SH3GL2: variants seen among roughly 807,000 people sequenced by gnomAD.
The protein encoded by SH3GL2 is SH3 domain containing GRB2 like 2, endophilin A1, also known as endophilin-A1.
In SH3GL2, 24 loss-of-function variants were observed where a neutral mutation model predicts 46.0. The ratio of observed to expected loss-of-function variants is 0.52; its 90% confidence interval spans 0.38 to 0.73. The LOEUF (loss-of-function observed/expected upper bound fraction) is 0.73. Among genes scored for constraint, SH3GL2 ranks in the 30% least tolerant of loss-of-function variants. The probability of loss-of-function intolerance (pLI) is 0.00; values close to 1 mark genes in which losing one functional copy is unlikely to be tolerated. For synonymous variants in SH3GL2, 196 were observed against 147.1 expected, an observed-to-expected ratio of 1.33 and a Z score of -2.40; for missense variants, 413 against 424.2, an observed-to-expected ratio of 0.97 and a Z score of 0.23.
chr9:17,589,349 T>A (rs1818438550), intron 1 of SH3GL2: 1 of 152,170 alleles, frequency 6.6e-6, no homozygotes, highest in Non-Finnish European at 1.5e-5. Context: ...TTTTAATATA[T>A]TTTTTATTTT....
intron 1 of SH3GL2, among the ~76,000 whole-genome samples, chr9:17,614,786 AGT>A: frequency 6.6e-6 from 1 of 152,156 alleles, no homozygotes; most frequent in African/African-American, 2.4e-5. Flanking sequence ...TACCAAGTGA[AGT>A]TTGTCTTTGC....
intron 1 of SH3GL2, among the ~76,000 whole-genome samples, chr9:17,710,948 A>G (rs928444269): frequency 2.6e-5 from 4 of 151,994 alleles, no homozygotes; most frequent in African/African-American, 4.8e-5. Flanking sequence ...TAGAACAATT[A>G]TAACAGTATA....
intron 3 of SH3GL2, among the ~76,000 whole-genome samples, chr9:17,762,486 T>G (rs1422710766): frequency 2.0e-5 from 3 of 152,030 alleles, no homozygotes; most frequent in Non-Finnish European, 2.9e-5. Flanking sequence ...CTATGCCCCC[T>G]GCTGCTGGCT....
At chr9:17,679,437 T>A (rs528525549) in intron 1 of SH3GL2, among the ~76,000 whole-genome samples, 3 of 152,084 alleles carry the variant, frequency 2.0e-5, no homozygotes, top group South Asian at 2.1e-4. Context: ...TTTGTCTGTT[T>A]TTGCTGTATA....
At chr9:17,795,505 CT>C in intron 8 of SH3GL2, 38 bp from the exon 9 acceptor site, 1 of 1,553,426 alleles carries the variant, frequency 6.4e-7, no homozygotes. Flanking sequence ...ACCCCTTATC[CT>C]TTTGTGTTCT....
At position 17,764,291 on chromosome 9, in the gene SH3GL2, C is replaced by T. The variant is rs1823258602; in HGVS notation, c.187+2782C>T. On this transcript the variant is annotated intron_variant, in intron 3 of 8. Coordinates refer to ENST00000380607, the MANE Select transcript of SH3GL2 (RefSeq NM_003026.5). ...TAAACAACCTGCATTTAATTGTTTA[C>T]AACAGGTACAATTTCATCCCTCCAC... is the stretch of plus-strand genomic sequence containing the variant. 2.6e-5 allele frequency among the ~76,000 whole-genome samples: 4 copies of T among 152,176 alleles called. No homozygotes were observed. The South Asian group carries it at 8.3e-4, about 31-fold the overall frequency.
intron 1 of SH3GL2, among the ~76,000 whole-genome samples, chr9:17,656,344 C>T (rs540500773): frequency 6.6e-5 from 10 of 151,768 alleles, no homozygotes; most frequent in Non-Finnish European, 8.8e-5. Flanking sequence ...ATCATAAAAT[C>T]GGTAGAGTAA....
At chr9:17,770,491 A>G (rs564913426) in intron 3 of SH3GL2, among the ~76,000 whole-genome samples, 3 of 152,322 alleles carry the variant, frequency 2.0e-5, no homozygotes, top group African/African-American at 7.2e-5. Context: ...TCACACCCTT[A>G]TATAATCCCT....
intron 1 of SH3GL2, among the ~76,000 whole-genome samples, chr9:17,718,255 C>T (rs1821808951): frequency 6.6e-6 from 1 of 152,124 alleles, no homozygotes; most frequent in Non-Finnish European, 1.5e-5. Context: ...CATCCTCCCT[C>T]ACACAGTGTT....
chr9:17,705,661 A>C (rs921555203), intron 1 of SH3GL2, among the ~76,000 whole-genome samples: 11 of 152,074 alleles, frequency 7.2e-5, no homozygotes, highest in Non-Finnish European at 1.5e-4. Context: ...AGCAACATGC[A>C]TGGAGCTGGA....
intron 1 of SH3GL2, among the ~76,000 whole-genome samples, chr9:17,697,347 C>T (rs1821229405): frequency 6.6e-6 from 1 of 151,974 alleles, no homozygotes; most frequent in South Asian, 2.1e-4. Flanking sequence ...CCTCAGCCAC[C>T]TGAGTAGTTG....
At chr9:17,586,245 G>A (rs1304593258) in intron 1 of SH3GL2, among the ~76,000 whole-genome samples, 2 of 152,118 alleles carry the variant, frequency 1.3e-5, no homozygotes, top group African/African-American at 2.4e-5. Flanking sequence ...GGGTCAAATT[G>A]TATATAGTAG....
chr9:17,737,709 T>A (rs960808246), intron 1 of SH3GL2, among the ~76,000 whole-genome samples: 1 of 152,156 alleles, frequency 6.6e-6, no homozygotes. Flanking sequence ...TTTCGTTGGT[T>A]CTTTCCCTGC....
At chr9:17,784,949 A>G (rs1289175886) in intron 3 of SH3GL2, among the ~76,000 whole-genome samples, 2 of 152,286 alleles carry the variant, frequency 1.3e-5, no homozygotes, top group Middle Eastern at 6.8e-3. Context: ...CTGGCCTCAA[A>G]TGATCCTCCT....
chr9:17,637,759 G>A (rs551755642), intron 1 of SH3GL2, among the ~76,000 whole-genome samples: 2 of 152,270 alleles, frequency 1.3e-5, no homozygotes, highest in South Asian at 2.1e-4. Flanking sequence ...GCTTTATGGA[G>A]TCACAGCACG....
At chr9:17,596,935 T>C (rs964121168) in intron 1 of SH3GL2, among the ~76,000 whole-genome samples, 1 of 152,178 alleles carries the variant, frequency 6.6e-6, no homozygotes, top group Admixed American at 6.5e-5. Context: ...ATGGTCTGGC[T>C]TTCTCTGGGG....
chr9:17,616,151 G>T (rs1347357871), intron 1 of SH3GL2, among the ~76,000 whole-genome samples: 1 of 152,110 alleles, frequency 6.6e-6, no homozygotes, highest in Admixed American at 6.5e-5. Context: ...TTACTAAGCT[G>T]TTTGTGTACA....
At chr9:17,697,381 G>T (rs188958099) in intron 1 of SH3GL2, among the ~76,000 whole-genome samples, 40 of 151,336 alleles carry the variant, frequency 2.6e-4, no homozygotes, top group African/African-American at 9.4e-4. Flanking sequence ...ACGCCACCAT[G>T]CCTGGCTAAT....
At chr9:17,610,336 C>T (rs936063470) in intron 1 of SH3GL2, among the ~76,000 whole-genome samples, 2 of 152,014 alleles carry the variant, frequency 1.3e-5, no homozygotes, top group East Asian at 3.9e-4. Flanking sequence ...GGCTCAGATC[C>T]TCTTTATGTA....
Sources: gnomAD v4.1 joint callset for allele counts (sites outside exome capture counted in the v4.1 genomes callset) on GRCh38, gnomAD v4.1.1 for gene constraint, MANE v1.5 for transcripts, NCBI Gene and HGNC (gene_info 2026-07-23, HGNC 2026-07-21) for gene names.